Variants in UNC13A observed in about 807,000 individuals in gnomAD.
UNC13A encodes the protein protein unc-13 homolog A.
In UNC13A, 61 loss-of-function variants were observed where a neutral mutation model predicts 219.7. The observed-to-expected ratio is 0.28, with a 90% CI of 0.23 to 0.34. UNC13A has a LOEUF of 0.34. Ranked by LOEUF, UNC13A falls within the 10% of genes least tolerant of loss-of-function variation. The pLI is 1.00. For missense variants in UNC13A, 1,476 were observed against 2,270.3 expected, an observed-to-expected ratio of 0.65 and a Z score of 7.11; for synonymous variants, 920 against 884.6, an observed-to-expected ratio of 1.04 and a Z score of -0.71.
intron 10 of UNC13A, 23 bp downstream of exon 10, chr19:17,655,860 G>T: frequency 2.7e-6 from 4 of 1,499,310 alleles, no homozygotes; most frequent in Non-Finnish European, 3.5e-6. Context: ...AGCCCCTCTG[G>T]CCCCTTGGCC....
chr19:17,648,226 C>G (rs1261588742), intron 16 of UNC13A, among the ~76,000 whole-genome samples: 2 of 151,242 alleles, frequency 1.3e-5, no homozygotes, highest in African/African-American at 2.4e-5. Context: ...ACCCCTCGAC[C>G]CCCTAGCCCT....
intron 26 of UNC13A, among the ~76,000 whole-genome samples, chr19:17,633,800 C>A (rs1220323892): frequency 6.6e-6 from 1 of 151,744 alleles, no homozygotes; most frequent in Non-Finnish European, 1.5e-5. Context: ...CACTCAACCA[C>A]CCATCTATCT....
rs374975843 is a variant in UNC13A at position 17,606,074 on chromosome 19, C to T, written c.5092G>A (p.Gly1698Ser). The T allele has an allele frequency of 2.3e-5, 36 of 1,580,290 alleles. No individual in the cohort carries two copies. The African/African-American group carries it at 4.5e-4, about 20-fold the overall frequency. The stretch of plus-strand genomic sequence containing the variant: ...CCGCGCTAAGGCGCAGGCGCGGCAC[C>T]GCCCTCCTCGGCGGAGCGCGTGTCC... ...KSDTRSAEEG[G>S]AAPAP The change falls in exon 44 of 44, where the codon GGT becomes AGT. Residue 1698 changes from glycine to serine, a missense_variant. By Grantham distance (56) the Gly-to-Ser change is moderately conservative. Around this residue, in one of 14 missense-constraint regions of UNC13A, gnomAD observed 187 missense variants for 172.3 expected, o/e 1.09. Coordinates refer to ENST00000519716, the MANE Select transcript of UNC13A (RefSeq NM_001080421.3).
chr19:17,655,164 G>A (rs2079425431), intron 11 of UNC13A, 110 bp downstream of exon 11: 1 of 859,050 alleles, frequency 1.2e-6, no homozygotes, highest in Non-Finnish European at 1.9e-6. Flanking sequence ...TACGGGTGGG[G>A]TGTTGGGCGT....
chr19:17,621,875 A>G lies in UNC13A; in HGVS notation c.4204-5T>C. 6.2e-7 allele frequency: 1 copy of G among 1,613,940 alleles called. No individual in the cohort carries two copies. ...ATGTTTTCTCAAGAGGTTCCCCTGC[A>G]GAGATAATGTCACAGGGTGATCAAC... On this transcript the variant is annotated splice_region_variant and splice_polypyrimidine_tract_variant and intron_variant, in intron 36 of 43. Coordinates refer to ENST00000519716, the MANE Select transcript of UNC13A (RefSeq NM_001080421.3).
chr19:17,688,146 C>T, intron 1 of UNC13A, 32 bp downstream of exon 1: 2 of 1,526,484 alleles, frequency 1.3e-6, no homozygotes, highest in Non-Finnish European at 1.8e-6. Context: ...CGCGTCCACA[C>T]GGGTCCCCCG....
Position 17,620,026 on chromosome 19 carries a change from C to T in UNC13A, c.4272+667G>A, listed in dbSNP as rs116876897. Among the ~76,000 whole-genome samples the T allele has an allele frequency of 1.6e-3, 250 of 152,312 alleles. 7 individuals are homozygous for T. The East Asian group carries it at 0.039, about 24-fold the overall frequency. On this transcript the variant is annotated intron_variant, in intron 38 of 43. Coordinates refer to ENST00000519716, the MANE Select transcript of UNC13A (RefSeq NM_001080421.3). The stretch of plus-strand genomic sequence containing the variant: ...TAATTATCACTTGGTCTCAAAGTCA[C>T]GGGCAATGCTAAGGGAGACGGGGTC...
chr19:17,672,294 A>G (rs2079804105), intron 4 of UNC13A, 84 bp downstream of exon 4: 1 of 1,078,858 alleles, frequency 9.3e-7, no homozygotes, highest in Admixed American at 2.0e-5. Flanking sequence ...ATAGGAGATA[A>G]ATGCCCATCT....
intron 12 of UNC13A, among the ~76,000 whole-genome samples, chr19:17,651,269 G>T (rs1396181576): frequency 2.0e-5 from 3 of 150,608 alleles, no homozygotes; most frequent in Admixed American, 6.6e-5. Context: ...AAATTCTTTT[G>T]TAGAGATGGG....
At chr19:17,655,128 C>A in intron 11 of UNC13A, 146 bp downstream of exon 11, 1 of 721,926 alleles carries the variant, frequency 1.4e-6, no homozygotes, top group East Asian at 2.7e-5. Context: ...GGGCACTGCA[C>A]TGGGCATGCC....
chr19:17,623,173 C>T (rs1369209310), intron 36 of UNC13A: 4 of 268,214 alleles, frequency 1.5e-5, no homozygotes, highest in Non-Finnish European at 2.8e-5. Context: ...TCAGAGGAAT[C>T]CTGGGGTTGA....
At chr19:17,639,045 G>A (rs1265118044) in intron 25 of UNC13A, 38 bp downstream of exon 25, 2 of 1,542,632 alleles carry the variant, frequency 1.3e-6, no homozygotes, top group African/African-American at 2.7e-5. Context: ...GTGTCTAGTT[G>A]GCATCACTGT....
chr19:17,639,115 C>G lies in UNC13A; in HGVS notation c.3049G>C (p.Glu1017Gln). The part of the protein sequence containing the change: ...TYEYIFNNCH[E>Q]LYSREYQTDP... ...GTCTGGTACTCCCGGCTGTACAGTTCATGGCAGTTATTGAAGATGTACTCG... is the reference window on the plus strand; with the variant it reads ...GTCTGGTACTCCCGGCTGTACAGTTGATGGCAGTTATTGAAGATGTACTCG... The change falls in exon 25 of 44, where the codon GAA (glutamate) becomes CAA (glutamine). Residue 1017 changes from glutamate (E) to glutamine (Q), a missense_variant. Physicochemically the swap from Glu to Gln is conservative, Grantham distance 29 (BLOSUM62 2). Transcript: ENST00000519716. 1 of 1,611,548 alleles carries G rather than the reference C, an allele frequency of 6.2e-7. No individual in the cohort carries two copies. Among genetic ancestry groups the G allele is most frequent in the Non-Finnish European group, 8.5e-7 (1 of 1,178,922 alleles).
At position 17,639,133 on chromosome 19, in the gene UNC13A, T is replaced by A; in HGVS notation, c.3031A>T (p.Ile1011Phe). 6.2e-7 allele frequency: 1 copy of A among 1,613,684 alleles called. No homozygotes were observed. The highest frequency in any genetic ancestry group is 8.5e-7 in the Non-Finnish European group (1 of 1,179,796). Residue 1011 changes from isoleucine (I) to phenylalanine (F), a missense_variant, in exon 25 of 44, where the codon ATC becomes TTC. Coordinates refer to ENST00000519716, the MANE Select transcript of UNC13A (RefSeq NM_001080421.3). ...KACLNSTYEYIFNNCHELYSR... is the reference protein window; with the variant it reads ...KACLNSTYEYFFNNCHELYSR... ...TACAGTTCATGGCAGTTATTGAAGATGTACTCGTAGGTAGAATTAAGGCAG... is the reference window on the plus strand; with the variant it reads ...TACAGTTCATGGCAGTTATTGAAGAAGTACTCGTAGGTAGAATTAAGGCAG...
chr19:17,645,880 C>T, intron 18 of UNC13A, 37 bp from the exon 19 acceptor site: 1 of 1,587,552 alleles, frequency 6.3e-7, no homozygotes, highest in Non-Finnish European at 8.6e-7. Flanking sequence ...AGGGGTCAGG[C>T]AGCCAGTGTG....
intron 40 of UNC13A, 147 bp downstream of exon 40, chr19:17,618,274 G>T: frequency 1.1e-6 from 1 of 883,090 alleles, no homozygotes; most frequent in Non-Finnish European, 1.8e-6. Flanking sequence ...GCATTAGCCA[G>T]CCCAGCTCTG....
In UNC13A at chr19:17,674,623, G is replaced by A. The variant is rs1455087891; in HGVS notation, c.152+34C>T. 1.9e-6 allele frequency: 3 copies of A among 1,597,160 alleles called. No individual in the cohort carries two copies. The highest frequency in any genetic ancestry group is 3.3e-5 in the Admixed American group (2 of 59,966). Reference sequence around the variant, plus strand: ...GCCAGCGAGGTGCTGGGCTATGCCAGGGAGTGAGGTCATGCCAGACGCTGC... The same window carrying A: ...GCCAGCGAGGTGCTGGGCTATGCCAAGGAGTGAGGTCATGCCAGACGCTGC... On this transcript the variant is annotated intron_variant, in intron 3 of 43. Coordinates refer to ENST00000519716, the MANE Select transcript of UNC13A (RefSeq NM_001080421.3). This position sits in a 1 kb window ranked among gnomAD's most constrained non-coding sequence, Gnocchi z 5.0.
At chr19:17,676,849 A>G (rs2079908737) in intron 1 of UNC13A, among the ~76,000 whole-genome samples, 1 of 152,158 alleles carries the variant, frequency 6.6e-6, no homozygotes, top group Non-Finnish European at 1.5e-5. Flanking sequence ...CCTTGTCTCT[A>G]CTAAAAATAC....
intron 35 of UNC13A, among the ~76,000 whole-genome samples, 175 bp from the exon 36 acceptor site, chr19:17,623,722 G>GC (rs1156275716): frequency 2.0e-5 from 3 of 152,034 alleles, no homozygotes; most frequent in South Asian, 4.2e-4. Flanking sequence ...GACCATCGTC[G>GC]CCCATCTATG....
Sources: allele counts gnomAD v4.1 joint callset (sites outside exome capture counted in the v4.1 genomes callset), GRCh38; gene constraint gnomAD v4.1.1; regional missense constraint gnomAD v4.1.1; non-coding constraint Gnocchi (gnomAD v3.1); transcripts MANE v1.5; gene names NCBI Gene and HGNC (gene_info 2026-07-23, HGNC 2026-07-21).